MECOM: variants seen among roughly 807,000 people sequenced by gnomAD.
MECOM encodes the protein histone-lysine N-methyltransferase MECOM.
MECOM carries 13 observed loss-of-function variants against 116.3 expected under a neutral mutation model. That is an observed-to-expected ratio of 0.11 (90% CI 0.07 to 0.18). The LOEUF is 0.18. Ranked by LOEUF, MECOM falls within the 10% of genes least tolerant of loss-of-function variation. The probability of loss-of-function intolerance (pLI) is 1.00; values close to 1 mark genes in which losing one functional copy is unlikely to be tolerated. For missense variants in MECOM, 1,299 were observed against 1,509.0 expected (o/e 0.86, Z 2.31); for synonymous variants, 528 against 535.2 (o/e 0.99, Z 0.19).
chr3:169,168,004 G>C (rs1009446421), intron 2 of MECOM, among the ~76,000 whole-genome samples: 3 of 141,292 alleles, frequency 2.1e-5, no homozygotes, highest in African/African-American at 7.5e-5. Context: ...GGGAATAGCA[G>C]CTTGTCACAT....
intron 1 of MECOM, among the ~76,000 whole-genome samples, chr3:169,425,370 A>G (rs544826168): frequency 2.8e-4 from 42 of 152,312 alleles, no homozygotes; most frequent in African/African-American, 8.2e-4. Context: ...ACATGCAGGC[A>G]TTCTCTCAAA....
rs543013530 is a variant in MECOM, at chr3:169,570,490, G to A, written c.37+92846C>T. 3.3e-5 allele frequency among the ~76,000 whole-genome samples: 5 copies of A among 152,156 alleles called. No homozygotes were observed. In the South Asian group the frequency reaches 8.3e-4, roughly 25 times the overall value. ...GGGACTCCTCCCTAACTCATTTTAC[G>A]AGGCCAGCATCATCCTAATACCAAA... On this transcript the variant is annotated intron_variant, in intron 1 of 16. Transcript: ENST00000651503.
At chr3:169,615,476 G>A (rs1166427465) in intron 1 of MECOM, among the ~76,000 whole-genome samples, 1 of 152,172 alleles carries the variant, frequency 6.6e-6, no homozygotes, top group Admixed American at 6.5e-5. Flanking sequence ...TTATTCATTT[G>A]ATTGCAAAAC....
chr3:169,543,051 A>G (rs1329669326), intron 1 of MECOM, among the ~76,000 whole-genome samples: 3 of 152,238 alleles, frequency 2.0e-5, no homozygotes, highest in Non-Finnish European at 4.4e-5. Flanking sequence ...TCAACTTGAG[A>G]AAACAACTAG....
At chr3:169,329,988 A>C (rs138943438) in intron 2 of MECOM, among the ~76,000 whole-genome samples, 1 of 152,318 alleles carries the variant, frequency 6.6e-6, no homozygotes, top group Non-Finnish European at 1.5e-5. Flanking sequence ...ATCTATTTCA[A>C]GAGTCAAGAA....
At chr3:169,099,356 G>C (rs1176919193) in intron 12 of MECOM, among the ~76,000 whole-genome samples, 1 of 152,122 alleles carries the variant, frequency 6.6e-6, no homozygotes, top group Non-Finnish European at 1.5e-5. Context: ...CACTTAAGCA[G>C]AATTTCTGGT....
chr3:169,223,387 T>C (rs1239671418), intron 2 of MECOM, among the ~76,000 whole-genome samples: 1 of 149,636 alleles, frequency 6.7e-6, no homozygotes, highest in Non-Finnish European at 1.5e-5. Context: ...CATGTGGTGT[T>C]TGGTTTTCTG....
At chr3:169,623,594 T>G (rs1771004279) in intron 1 of MECOM, among the ~76,000 whole-genome samples, 1 of 152,226 alleles carries the variant, frequency 6.6e-6, no homozygotes, top group Non-Finnish European at 1.5e-5. Context: ...CTGAAATATT[T>G]GTTGAACTAT....
chr3:169,276,887 C>T (rs185408907), intron 2 of MECOM, among the ~76,000 whole-genome samples: 15 of 152,268 alleles, frequency 9.9e-5, no homozygotes, highest in African/African-American at 3.4e-4. Flanking sequence ...ATAGCAAGTG[C>T]GTAGCACAGA....
At chr3:169,147,772 G>A (rs1740368793) in intron 2 of MECOM, 1 of 964,702 alleles carries the variant, frequency 1.0e-6, no homozygotes, top group Non-Finnish European at 1.2e-6. Flanking sequence ...GTGTGAGAGA[G>A]AGAGAGATGG....
At chr3:169,443,877 T>C (rs1388971162) in intron 1 of MECOM, among the ~76,000 whole-genome samples, 1 of 152,208 alleles carries the variant, frequency 6.6e-6, no homozygotes, top group African/African-American at 2.4e-5. Flanking sequence ...AAGAGGACTC[T>C]CAGCACTAGA....
chr3:169,663,508 C>G lies in MECOM; in HGVS notation c.-136G>C, dbSNP rs1294676370. The G allele has an allele frequency of 1.5e-6, 1 of 674,912 alleles. No individual in the cohort carries two copies. The highest frequency in any genetic ancestry group is 1.8e-5 in the South Asian group (1 of 54,696). The allele number at this position is 674,912 out of a possible 1,614,324, so 41.8% of individuals were successfully genotyped here. On this transcript the variant is annotated 5_prime_UTR_variant, in exon 1 of 17. Coordinates refer to ENST00000651503, the MANE Select transcript of MECOM (RefSeq NM_004991.4). ...TCTCTCTCTCTCTCTCTCTCTCTCT[C>G]TCTCTCTCTCTCTCTCTCTCTCCCT...
intron 1 of MECOM, among the ~76,000 whole-genome samples, chr3:169,491,509 A>G (rs1215864473): frequency 6.6e-6 from 1 of 152,206 alleles, no homozygotes; most frequent in Non-Finnish European, 1.5e-5. Context: ...AAGAATAATA[A>G]TCTCACAATA....
At chr3:169,211,708 C>A (rs938286396) in intron 2 of MECOM, among the ~76,000 whole-genome samples, 2 of 152,032 alleles carry the variant, frequency 1.3e-5, no homozygotes, top group African/African-American at 4.8e-5. Context: ...TCTGCACTGT[C>A]TTATTGAGAT....
rs538891308 is a variant in MECOM at position 169,284,824 on chromosome 3, C to T, written c.375+96363G>A. ...TTCTTAATTTATTATCATATAATTT[C>T]TCATGTTAGTGTTGCCATAATTATC... On this transcript the variant is annotated intron_variant, in intron 2 of 16. Transcript: ENST00000651503. Among the ~76,000 whole-genome samples, 14 of 152,250 alleles carry T rather than the reference C, an allele frequency of 9.2e-5. 1 individual carries two copies. The highest frequency in any genetic ancestry group is 6.8e-3 in the Middle Eastern group (2 of 294).
rs2276719 is a variant in MECOM at position 169,115,675 on chromosome 3, G to A, written c.2197C>T (p.Leu733=). 0.012 allele frequency: 19,640 copies of A among 1,614,042 alleles called. 1,090 individuals are homozygous for A. In the African/African-American group the frequency reaches 0.14, roughly 12 times the overall value. ...EPQSPGEVKK[L]QKGSSESPFD... The stretch of plus-strand genomic sequence containing the variant: ...GGGGACTCAGAGCTGCCCTTCTGCA[G>A]TTTCTTTACTTCACCTGGTGATTGG... The change falls in exon 8 of 17, where the codon CTG becomes TTG. Residue 733 remains leucine, a synonymous_variant. Transcript: ENST00000651503.
intron 1 of MECOM, among the ~76,000 whole-genome samples, chr3:169,447,271 TCTC>T (rs1744803289): frequency 6.6e-6 from 1 of 151,986 alleles, no homozygotes; most frequent in African/African-American, 2.4e-5. Flanking sequence ...ACCTCCATCT[TCTC>T]CTATAAAAAT....
At chr3:169,086,561 T>C (rs188652648) in intron 16 of MECOM, 10 of 701,600 alleles carry the variant, frequency 1.4e-5, no homozygotes, top group Admixed American at 8.0e-5. Flanking sequence ...AGCTTTACTT[T>C]CCTCCTATAA....
intron 6 of MECOM, among the ~76,000 whole-genome samples, chr3:169,121,415 G>C (rs1730988662): frequency 6.6e-6 from 1 of 152,080 alleles, no homozygotes; most frequent in Non-Finnish European, 1.5e-5. Context: ...TCCTTAGCAT[G>C]GTGTATCCAC....
Sources: allele counts gnomAD v4.1 joint callset (sites outside exome capture counted in the v4.1 genomes callset), GRCh38; gene constraint gnomAD v4.1.1; transcripts MANE v1.5; gene names NCBI Gene and HGNC (gene_info 2026-07-23, HGNC 2026-07-21).